The following TLK2 variants were observed in gnomAD, a reference collection of about 807,000 sequenced individuals.
TLK2 encodes serine/threonine-protein kinase tousled-like 2.
In TLK2, 6 loss-of-function variants were observed where a neutral mutation model predicts 117.3. The observed-to-expected ratio is 0.05, with a 90% confidence interval of 0.03 to 0.10. TLK2 has a LOEUF of 0.10. Among genes scored for constraint, TLK2 ranks in the 10% least tolerant of loss-of-function variants. The pLI is 1.00. For synonymous variants in TLK2, 257 were observed against 316.7 expected (o/e 0.81, Z 2.00); for missense variants, 299 against 901.2 (o/e 0.33, Z 8.56).
At chr17:62,492,101 TAATA>T (rs920346645) in intron 2 of TLK2, among the ~76,000 whole-genome samples, 7 of 152,190 alleles carry the variant, frequency 4.6e-5, no homozygotes, top group Non-Finnish European at 7.3e-5. Context: ...AGATACAGGA[TAATA>T]AATTCCAAAA....
At chr17:62,585,108 T>C (rs2081515637) in intron 15 of TLK2, among the ~76,000 whole-genome samples, 1 of 152,234 alleles carries the variant, frequency 6.6e-6, no homozygotes, top group South Asian at 2.1e-4. Context: ...TGTTACCTTT[T>C]TCACTGTGCT....
At chr17:62,486,556 A>G (rs1280773488) in intron 2 of TLK2, among the ~76,000 whole-genome samples, 1 of 152,168 alleles carries the variant, frequency 6.6e-6, no homozygotes, top group Non-Finnish European at 1.5e-5. Context: ...TATGTTTTCA[A>G]TCAACCTGTT....
At chr17:62,476,583 C>CAAAATAAAAT (rs59524481), upstream of TLK2, among the ~76,000 whole-genome samples, 8,791 of 146,934 alleles carry the variant, frequency 0.06, 367 homozygotes, top group South Asian at 0.22. Context: ...ACTCTGTCAC[C>CAAAATAAAAT]AAAATAAAAT....
chr17:62,560,975 C>T (rs541646584), intron 10 of TLK2, among the ~76,000 whole-genome samples: 6 of 152,172 alleles, frequency 3.9e-5, no homozygotes, highest in Non-Finnish European at 8.8e-5. Context: ...TGTGCCTCCC[C>T]ACTCCCCACA....
chr17:62,590,796 T>C (rs986473064), intron 16 of TLK2, among the ~76,000 whole-genome samples: 4 of 152,224 alleles, frequency 2.6e-5, no homozygotes, highest in Non-Finnish European at 5.9e-5. Context: ...ATTAAATCTC[T>C]TTACTGTTTC....
intron 6 of TLK2, among the ~76,000 whole-genome samples, chr17:62,530,723 C>T (rs1430355305): frequency 1.3e-5 from 2 of 152,184 alleles, no homozygotes; most frequent in African/African-American, 4.8e-5. Flanking sequence ...TTGCATCCTA[C>T]ACCTTCCACC....
Position 62,554,620 on chromosome 17 carries a change from G to A in TLK2, c.720+865G>A, listed in dbSNP as rs2078710699. 2.0e-5 allele frequency among the ~76,000 whole-genome samples: 3 copies of A among 151,988 alleles called. No individual in the cohort carries two copies. In the South Asian group the frequency reaches 6.2e-4, roughly 32 times the overall value. On this transcript the variant is annotated intron_variant, in intron 9 of 21. Transcript: ENST00000346027. ...GAAAGTAAAAAGGACCGGGCATGGTGGCCCATACCTGCCACTTTGGGAGGC... is the reference window on the plus strand; with the variant it reads ...GAAAGTAAAAAGGACCGGGCATGGTAGCCCATACCTGCCACTTTGGGAGGC...
intron 15 of TLK2, among the ~76,000 whole-genome samples, chr17:62,582,230 T>C (rs1487145047): frequency 6.6e-6 from 1 of 152,162 alleles, no homozygotes; most frequent in Non-Finnish European, 1.5e-5. Context: ...TTCTAGGAAA[T>C]CTATTTCATT....
At chr17:62,546,495 T>A (rs977791933) in intron 7 of TLK2, among the ~76,000 whole-genome samples, 1 of 149,636 alleles carries the variant, frequency 6.7e-6, no homozygotes, top group Non-Finnish European at 1.5e-5. Context: ...GTTTCTTTTC[T>A]TTTGTGCTCC....
chr17:62,480,071 C>G (rs2071444812), intron 1 of TLK2, among the ~76,000 whole-genome samples: 1 of 152,248 alleles, frequency 6.6e-6, no homozygotes, highest in Non-Finnish European at 1.5e-5. Flanking sequence ...TTTCATTCCC[C>G]TTTGCCCCAG....
At chr17:62,546,344 G>GTTTTTTTTTTGTTTTTTT (rs2077923556) in intron 7 of TLK2, among the ~76,000 whole-genome samples, 1 of 23,346 alleles carries the variant, frequency 4.3e-5, no homozygotes. Flanking sequence ...TTTGTTGATT[G>GTTTTTTTTTTGTTTTTTT]TTTTTTTTTT....
intron 2 of TLK2, among the ~76,000 whole-genome samples, chr17:62,494,104 G>T (rs2073400395): frequency 6.6e-6 from 1 of 152,078 alleles, no homozygotes; most frequent in East Asian, 1.9e-4. Flanking sequence ...TTGTTTTTGA[G>T]ACAGAGTCTC....
intron 10 of TLK2, 135 bp downstream of exon 10, chr17:62,560,261 A>T: frequency 1.5e-6 from 1 of 646,486 alleles, no homozygotes; most frequent in Non-Finnish European, 2.4e-6. Flanking sequence ...GACAATTAGA[A>T]TTTTTTCCTT....
chr17:62,568,658 C>A (rs1308349613), intron 11 of TLK2, among the ~76,000 whole-genome samples: 1 of 152,070 alleles, frequency 6.6e-6, no homozygotes, highest in African/African-American at 2.4e-5. Context: ...AATCTCGGCT[C>A]ACTGCAACCT....
At chr17:62,505,632 T>C (rs747697593) in intron 2 of TLK2, among the ~76,000 whole-genome samples, 23 of 151,974 alleles carry the variant, frequency 1.5e-4, no homozygotes, top group Non-Finnish European at 3.2e-4. Context: ...TAAAAATGCT[T>C]TTAATACACT....
chr17:62,566,911 G>C lies in TLK2; in HGVS notation c.968+1774G>C, dbSNP rs141664705. Among the ~76,000 whole-genome samples, 1,016 of 152,266 alleles carry C rather than the reference G, an allele frequency of 6.7e-3. 8 individuals carry two copies. Among genetic ancestry groups the C allele is most frequent in the Non-Finnish European group, 0.011 (752 of 68,012 alleles). On this transcript the variant is annotated intron_variant, in intron 11 of 21. Transcript: ENST00000346027. ...TTGATTCAGGAAAGATGGTGAGTTTGTATAGAGATGTAATTAGTTTTAAGA... is the reference window on the plus strand; with the variant it reads ...TTGATTCAGGAAAGATGGTGAGTTTCTATAGAGATGTAATTAGTTTTAAGA...
chr17:62,503,563 G>A (rs966406944), intron 2 of TLK2, among the ~76,000 whole-genome samples: 7 of 151,732 alleles, frequency 4.6e-5, no homozygotes, highest in African/African-American at 1.2e-4. Flanking sequence ...GATTATGGAC[G>A]TTGTGCCACC....
intron 16 of TLK2, among the ~76,000 whole-genome samples, chr17:62,591,907 C>T (rs894066251): frequency 4.0e-5 from 6 of 151,788 alleles, no homozygotes; most frequent in African/African-American, 1.5e-4. Context: ...TGCTGAATTA[C>T]TTAAAATATC....
chr17:62,509,715 GA>G (rs2074994227), intron 2 of TLK2, among the ~76,000 whole-genome samples: 1 of 152,180 alleles, frequency 6.6e-6, no homozygotes, highest in Admixed American at 6.5e-5. Context: ...CTCCTCTCAT[GA>G]ATGGGACTAG....
Sources: allele counts gnomAD v4.1 joint callset (sites outside exome capture counted in the v4.1 genomes callset), GRCh38; gene constraint gnomAD v4.1.1; transcripts MANE v1.5; gene names NCBI Gene and HGNC (gene_info 2026-07-23, HGNC 2026-07-21).